The following DPY19L3 variants were observed in gnomAD, a reference collection of about 807,000 sequenced individuals.
DPY19L3 encodes dpy-19 like C-mannosyltransferase 3.
DPY19L3 carries 51 observed loss-of-function variants against 92.3 expected under a neutral mutation model. The ratio of observed to expected loss-of-function variants is 0.55; its 90% CI spans 0.44 to 0.70. The LOEUF (loss-of-function observed/expected upper bound fraction) is 0.70, where lower values mean the gene tolerates loss of function less well. Ranked by LOEUF, DPY19L3 falls within the 30% of genes least tolerant of loss-of-function variation. The probability of loss-of-function intolerance (pLI) is 0.00; values close to 1 mark genes in which losing one functional copy is unlikely to be tolerated. For synonymous variants in DPY19L3, 309 were observed against 315.2 expected, an observed-to-expected ratio of 0.98 and a Z score of 0.21; for missense variants, 706 against 855.9, an observed-to-expected ratio of 0.82 and a Z score of 2.18.
At chr19:32,475,982 T>C (rs889556112) in intron 16 of DPY19L3, among the ~76,000 whole-genome samples, 1 of 152,238 alleles carries the variant, frequency 6.6e-6, no homozygotes, top group African/African-American at 2.4e-5. Flanking sequence ...CCACTTTTTT[T>C]CCTCACTTAA....
At chr19:32,476,759 T>C (rs973790347) in intron 16 of DPY19L3, among the ~76,000 whole-genome samples, 1 of 152,134 alleles carries the variant, frequency 6.6e-6, no homozygotes, top group African/African-American at 2.4e-5. Flanking sequence ...CTGCATATAG[T>C]TTCTCATAAT....
At chr19:32,416,815 G>C (rs1486608227) in intron 3 of DPY19L3, among the ~76,000 whole-genome samples, 4 of 152,194 alleles carry the variant, frequency 2.6e-5, no homozygotes, top group Non-Finnish European at 5.9e-5. Flanking sequence ...TCGTTATGTA[G>C]GCATGATTGA....
chr19:32,422,447 AC>A (rs1376500855), intron 3 of DPY19L3, among the ~76,000 whole-genome samples: 6 of 152,234 alleles, frequency 3.9e-5, no homozygotes, highest in African/African-American at 1.2e-4. Context: ...CATACAGGAG[AC>A]TGGAATCCGT....
At chr19:32,475,600 A>G (rs750050557) in intron 16 of DPY19L3, among the ~76,000 whole-genome samples, 1 of 152,368 alleles carries the variant, frequency 6.6e-6, no homozygotes, top group East Asian at 1.9e-4. Context: ...TCCTTTAGCA[A>G]TTACACTCTA....
chr19:32,412,644 T>G (rs1395582182), intron 3 of DPY19L3: 1 of 152,188 alleles, frequency 6.6e-6, no homozygotes, highest in Non-Finnish European at 1.5e-5. Context: ...AATCAGATTT[T>G]CAGGAGGGTT....
At chr19:32,462,063 A>G (rs1438940641) in intron 12 of DPY19L3, among the ~76,000 whole-genome samples, 2 of 152,238 alleles carry the variant, frequency 1.3e-5, no homozygotes, top group Non-Finnish European at 2.9e-5. Context: ...TTATAAATTA[A>G]TCATGGTAAG....
intron 8 of DPY19L3, among the ~76,000 whole-genome samples, chr19:32,452,150 T>TG (rs1173874366): frequency 6.6e-6 from 1 of 152,232 alleles, no homozygotes; most frequent in East Asian, 1.9e-4. Flanking sequence ...TCCATTACCA[T>TG]GTCTGGTTCT....
In DPY19L3 at chr19:32,484,700, C is replaced by G. The variant is rs2145653381; in HGVS notation, c.*2460C>G. On this transcript the variant is annotated 3_prime_UTR_variant, in exon 19 of 19. Transcript: ENST00000392250. ...TGTTCTCAGCGCTCCGGCTCCCTCC[C>G]TGGAGTTGTGCACCCGTCCCAAACT... The G allele has an allele frequency of 6.6e-6, 1 of 152,342 alleles. No individual in the cohort carries two copies. The highest frequency in any genetic ancestry group is 2.1e-4 in the South Asian group (1 of 4,822). 9.4% of individuals were successfully genotyped at this position (152,342 alleles called of 1,614,324 possible).
At chr19:32,473,459 G>T (rs915000284) in intron 16 of DPY19L3, among the ~76,000 whole-genome samples, 4 of 152,238 alleles carry the variant, frequency 2.6e-5, no homozygotes, top group African/African-American at 9.6e-5. Flanking sequence ...TGAAGGAAGA[G>T]CACCCAGCAT....
At chr19:32,430,785 T>C (rs1023495050) in intron 3 of DPY19L3, among the ~76,000 whole-genome samples, 25 of 127,454 alleles carry the variant, frequency 2.0e-4, no homozygotes, top group Admixed American at 4.1e-4. Flanking sequence ...CCACTATGCC[T>C]GGCTACTTTT....
In DPY19L3 at chr19:32,437,226, C is replaced by T. The variant is rs1969170929; in HGVS notation, c.483C>T (p.Tyr161=). Residue 161 remains tyrosine (Y), a synonymous_variant, in exon 6 of 19, where the codon TAC becomes TAT. Transcript: ENST00000392250. The stretch of plus-strand genomic sequence containing the variant: ...TAGAGCCAGTTTATTTTTATATTTA[C>T]ACCTTATTTGGGCTCCAGGCGATCT... ...KYLEPVYFYI[Y]TLFGLQAIYV... The T allele has an allele frequency of 1.2e-6, 2 of 1,614,114 alleles. No homozygotes were observed. The highest frequency in any genetic ancestry group is 8.5e-7 in the Non-Finnish European group (1 of 1,180,010).
chr19:32,438,644 T>G (rs1326812830), intron 6 of DPY19L3, among the ~76,000 whole-genome samples: 1 of 152,066 alleles, frequency 6.6e-6, no homozygotes, highest in Non-Finnish European at 1.5e-5. Context: ...GATGAAAAAT[T>G]TTACCCATAC....
intron 3 of DPY19L3, among the ~76,000 whole-genome samples, chr19:32,420,834 CTA>C (rs750654867): frequency 6.6e-6 from 1 of 152,106 alleles, no homozygotes. Flanking sequence ...ATTATTGAAA[CTA>C]TGTTGTAACA....
At chr19:32,453,359 CAA>C (rs1303751069) in intron 9 of DPY19L3, 83 bp downstream of exon 9, 20 of 1,382,666 alleles carry the variant, frequency 1.4e-5, no homozygotes, top group Non-Finnish European at 1.9e-5. Flanking sequence ...ACACAGCATA[CAA>C]AGGGAAATTT....
intron 8 of DPY19L3, among the ~76,000 whole-genome samples, chr19:32,443,084 C>T (rs1969374180): frequency 6.6e-6 from 1 of 152,188 alleles, no homozygotes. Context: ...TGTAATAAGC[C>T]TTTCTCTACT....
At chr19:32,460,934 C>A (rs946960043) in intron 12 of DPY19L3, among the ~76,000 whole-genome samples, 1 of 152,072 alleles carries the variant, frequency 6.6e-6, no homozygotes. Flanking sequence ...GGTGCAATCT[C>A]GGCTCACTGC....
At chr19:32,466,999 T>C (rs893984939) in intron 15 of DPY19L3, among the ~76,000 whole-genome samples, 8 of 152,248 alleles carry the variant, frequency 5.3e-5, no homozygotes, top group African/African-American at 1.9e-4. Context: ...CAATTGTAGT[T>C]AGAGTTTCAA....
intron 17 of DPY19L3, among the ~76,000 whole-genome samples, chr19:32,478,876 G>A (rs1970590441): frequency 1.3e-5 from 2 of 152,182 alleles, no homozygotes; most frequent in Non-Finnish European, 2.9e-5. Flanking sequence ...CAGGCACGGT[G>A]TCTGTCTGTA....
intron 15 of DPY19L3, chr19:32,468,156 A>G: frequency 1.1e-6 from 1 of 934,064 alleles, no homozygotes; most frequent in Non-Finnish European, 1.3e-6. Flanking sequence ...CAAGTCAGAT[A>G]CCTCTCTGAG....
Sources: allele counts gnomAD v4.1 joint callset (sites outside exome capture counted in the v4.1 genomes callset), GRCh38; gene constraint gnomAD v4.1.1; transcripts MANE v1.5; gene names NCBI Gene and HGNC (gene_info 2026-07-23, HGNC 2026-07-21).